Variants in BMP6 observed in about 807,000 individuals in gnomAD.
BMP6 encodes bone morphogenetic protein 6, also known as VG-1-R.
Under a neutral mutation model 54.1 loss-of-function variants are expected in BMP6, and 17 were observed. The observed-to-expected ratio is 0.31, with a 90% confidence interval of 0.22 to 0.47. BMP6 has a LOEUF of 0.47. BMP6 is among the 20% of genes least tolerant of loss of function. The pLI is 1.00. For missense variants in BMP6, 720 were observed against 690.4 expected, an observed-to-expected ratio of 1.04 and a Z score of -0.48; for synonymous variants, 328 against 291.2, an observed-to-expected ratio of 1.13 and a Z score of -1.28.
intron 1 of BMP6, among the ~76,000 whole-genome samples, chr6:7,808,345 G>C (rs1158395002): frequency 6.6e-6 from 1 of 152,190 alleles, no homozygotes; most frequent in African/African-American, 2.4e-5. Context: ...GGTGGATGAG[G>C]AAGTATTTCT....
intron 4 of BMP6, among the ~76,000 whole-genome samples, chr6:7,870,961 C>T (rs565564086): frequency 9.2e-5 from 14 of 152,314 alleles, no homozygotes; most frequent in Non-Finnish European, 1.8e-4. Context: ...TCTCCATCCC[C>T]GAAGGGAGTT....
In BMP6 at chr6:7,727,575, C is replaced by T. The variant is rs201531160; in HGVS notation, c.620C>T (p.Ala207Val). The change falls in exon 1 of 7, where the codon GCC becomes GTC. Residue 207 changes from alanine (A) to valine (V), a missense_variant. Transcript: ENST00000283147. ...CCACTGACCAGCGCGCAGGACAGCG[C>T]CTTCCTCAACGACGCGGACATGGTC... ...ASPLTSAQDS[A>V]FLNDADMVMS... 9.5e-6 allele frequency: 15 copies of T among 1,583,410 alleles called. 1 individual carries two copies. Among genetic ancestry groups the T allele is most frequent in the Middle Eastern group, 3.3e-4 (2 of 5,980 alleles).
chr6:7,730,676 A>G (rs1446870181), intron 1 of BMP6, among the ~76,000 whole-genome samples: 3 of 152,212 alleles, frequency 2.0e-5, no homozygotes, highest in Non-Finnish European at 4.4e-5. Flanking sequence ...GAACATAGGA[A>G]GGACAGTTCA....
At chr6:7,806,225 G>A (rs921976792) in intron 1 of BMP6, among the ~76,000 whole-genome samples, 1 of 152,210 alleles carries the variant, frequency 6.6e-6, no homozygotes, top group African/African-American at 2.4e-5. Flanking sequence ...GCAGATCAGG[G>A]TCTTCAAGTG....
chr6:7,736,253 C>T (rs1761954148), intron 1 of BMP6, among the ~76,000 whole-genome samples: 1 of 152,142 alleles, frequency 6.6e-6, no homozygotes, highest in Non-Finnish European at 1.5e-5. Context: ...TAAATTTCTC[C>T]CTGGCTTGTG....
chr6:7,803,070 G>C (rs1416539934), intron 1 of BMP6, among the ~76,000 whole-genome samples: 1 of 152,160 alleles, frequency 6.6e-6, no homozygotes, highest in Non-Finnish European at 1.5e-5. Flanking sequence ...ATGGGTGCTA[G>C]GAAGGAAGCC....
Position 7,849,992 on chromosome 6 carries a change from G to A in BMP6, c.857+4660G>A, listed in dbSNP as rs536654771. Among the ~76,000 whole-genome samples the A allele has an allele frequency of 2.7e-4, 41 of 152,270 alleles. No individual in the cohort carries two copies. The South Asian group carries it at 8.5e-3, about 32-fold the overall frequency. On this transcript the variant is annotated intron_variant, in intron 2 of 6. Transcript: ENST00000283147. ...ATATCCCAGGTTACTCCTCTGTTTAGAAATAGGCAAGGATGTTTTTTGTCA... is the reference window on the plus strand; with the variant it reads ...ATATCCCAGGTTACTCCTCTGTTTAAAAATAGGCAAGGATGTTTTTTGTCA...
At chr6:7,794,604 GAAAA>G (rs58889692) in intron 1 of BMP6, among the ~76,000 whole-genome samples, 14,894 of 119,250 alleles carry the variant, frequency 0.12, 936 homozygotes, top group African/African-American at 0.23. Context: ...TGTCCCAAAA[GAAAA>G]AAAAAAAAAA....
intron 1 of BMP6, among the ~76,000 whole-genome samples, chr6:7,781,422 G>GT (rs745833709): frequency 5.9e-5 from 9 of 151,658 alleles, no homozygotes; most frequent in Non-Finnish European, 1.0e-4. Flanking sequence ...TTTTTGCTGT[G>GT]TTTGTACAGA....
In BMP6 at chr6:7,859,976, G is replaced by A. The variant is rs540659765; in HGVS notation, c.858-1475G>A. Among the ~76,000 whole-genome samples, 6 of 152,334 alleles carry A rather than the reference G, an allele frequency of 3.9e-5. No homozygotes were observed. In the South Asian group the frequency reaches 1.0e-3, roughly 26 times the overall value. On this transcript the variant is annotated intron_variant, in intron 2 of 6. Transcript: ENST00000283147. ...TTGAACTTGATGTTTCACTGGCCTC[G>A]TAAGTATTTGATGGATTAAAGATGA... is the stretch of plus-strand genomic sequence containing the variant.
intron 1 of BMP6, among the ~76,000 whole-genome samples, chr6:7,784,474 G>A (rs970485368): frequency 4.6e-5 from 7 of 152,174 alleles, no homozygotes; most frequent in Admixed American, 3.3e-4. Context: ...TTCGGATCAC[G>A]TGATAGTAAA....
Position 7,727,508 on chromosome 6 carries a change from A to G in BMP6, c.553A>G (p.Lys185Glu), listed in dbSNP as rs762474651. 2.5e-6 allele frequency: 4 copies of G among 1,596,892 alleles called. No individual in the cohort carries two copies. Among genetic ancestry groups the G allele is most frequent in the African/African-American group, 1.3e-5 (1 of 74,790 alleles). ...PPGAAHPLNR[K>E]SLLAPGSGSG... ...GGGCGCCGCGCACCCGCTCAACCGC[A>G]AGAGCCTTCTGGCCCCCGGATCTGG... Residue 185 changes from lysine to glutamate, a missense_variant, in exon 1 of 7, where the codon AAG (lysine) becomes GAG (glutamate). By Grantham distance (56) the Lys-to-Glu change is moderately conservative. Around this residue, in one of 3 missense-constraint regions of BMP6, gnomAD observed 650 missense variants for 556.3 expected, o/e 1.17. Coordinates refer to ENST00000283147, the MANE Select transcript of BMP6 (RefSeq NM_001718.6).
intron 1 of BMP6, among the ~76,000 whole-genome samples, chr6:7,796,569 A>G (rs1488396464): frequency 1.3e-5 from 2 of 152,252 alleles, no homozygotes; most frequent in Non-Finnish European, 2.9e-5. Context: ...TATCAGGTAC[A>G]TAATGGACAT....
chr6:7,868,929 C>G (rs1401667026), intron 4 of BMP6, among the ~76,000 whole-genome samples: 1 of 152,124 alleles, frequency 6.6e-6, no homozygotes, highest in Non-Finnish European at 1.5e-5. Flanking sequence ...TGTGGTGTCC[C>G]TGACATTCTC....
intron 1 of BMP6, among the ~76,000 whole-genome samples, chr6:7,816,308 G>A (rs887555800): frequency 1.3e-5 from 2 of 152,158 alleles, no homozygotes; most frequent in African/African-American, 2.4e-5. Flanking sequence ...TGGGCTCTTC[G>A]TTTAATCCCC....
intron 1 of BMP6, among the ~76,000 whole-genome samples, chr6:7,806,149 G>A (rs1758344397): frequency 6.6e-6 from 1 of 152,232 alleles, no homozygotes; most frequent in African/African-American, 2.4e-5. Context: ...TGGGGGCCCC[G>A]ACATGGGGCA....
intron 1 of BMP6, among the ~76,000 whole-genome samples, chr6:7,758,098 G>C (rs1757554410): frequency 6.6e-6 from 1 of 152,194 alleles, no homozygotes; most frequent in Admixed American, 6.5e-5. Flanking sequence ...GATTACTCTT[G>C]CTAGTAGAGA....
At chr6:7,797,829 C>G (rs11754764) in intron 1 of BMP6, among the ~76,000 whole-genome samples, 56,439 of 151,986 alleles carry the variant, frequency 0.37, 10,690 homozygotes, top group East Asian at 0.55. Flanking sequence ...ATTCTAGATT[C>G]TACCTTTTTG....
chr6:7,811,541 C>T (rs1407361), intron 1 of BMP6, among the ~76,000 whole-genome samples: 58,879 of 151,946 alleles, frequency 0.39, 12,704 homozygotes, highest in East Asian at 0.65. Flanking sequence ...GTCGGCAATT[C>T]CTGACCCACC....
Sources: allele counts gnomAD v4.1 joint callset (sites outside exome capture counted in the v4.1 genomes callset), GRCh38; gene constraint gnomAD v4.1.1; regional missense constraint gnomAD v4.1.1; transcripts MANE v1.5; gene names NCBI Gene and HGNC (gene_info 2026-07-23, HGNC 2026-07-21).